The following STRN variants were observed in gnomAD, a reference collection of about 807,000 sequenced individuals.
STRN encodes protein phosphatase 2 regulatory subunit B'''alpha.
Under a neutral mutation model 96.3 loss-of-function variants are expected in STRN, and 53 were observed. The observed-to-expected ratio is 0.55, with a 90% confidence interval of 0.44 to 0.69. The LOEUF (loss-of-function observed/expected upper bound fraction) is 0.69, where lower values mean the gene tolerates loss of function less well. Among genes scored for constraint, STRN ranks in the 30% least tolerant of loss-of-function variants. The pLI is 0.00. For synonymous variants in STRN, 428 were observed against 355.9 expected (o/e 1.20, Z -2.28); for missense variants, 987 against 963.9 (o/e 1.02, Z -0.32).
chr2:36,906,869 C>T (rs1479580148), intron 3 of STRN, among the ~76,000 whole-genome samples: 2 of 151,392 alleles, frequency 1.3e-5, no homozygotes, highest in East Asian at 1.9e-4. Flanking sequence ...TGCAGTGAGC[C>T]GAGATGATTG....
At chr2:36,966,137 C>A in intron 1 of STRN, 93 bp downstream of exon 1, 1 of 1,239,202 alleles carries the variant, frequency 8.1e-7, no homozygotes, top group Non-Finnish European at 1.0e-6. Flanking sequence ...GGAGGGGACG[C>A]GAGAAGGCTG....
chr2:36,962,220 C>A (rs1250356520), intron 1 of STRN, among the ~76,000 whole-genome samples: 1 of 152,044 alleles, frequency 6.6e-6, no homozygotes. Flanking sequence ...TGCCAAAACC[C>A]AGAAAATACA....
intron 11 of STRN, among the ~76,000 whole-genome samples, chr2:36,868,579 T>C (rs1346648115): frequency 1.3e-5 from 2 of 152,342 alleles, no homozygotes; most frequent in East Asian, 3.9e-4. Flanking sequence ...TATCTCACAA[T>C]GTATAACCAG....
intron 1 of STRN, among the ~76,000 whole-genome samples, chr2:36,960,523 A>G (rs1244344654): frequency 1.3e-5 from 2 of 152,252 alleles, no homozygotes; most frequent in African/African-American, 4.8e-5. Flanking sequence ...TGCATCTGCA[A>G]CCATTTATTA....
chr2:36,853,515 C>T (rs956840151), intron 15 of STRN, among the ~76,000 whole-genome samples: 1 of 152,172 alleles, frequency 6.6e-6, no homozygotes, highest in Non-Finnish European at 1.5e-5. Context: ...GGAAGCTTCT[C>T]CACTTGATGA....
chr2:36,918,867 A>T (rs1206053562), intron 2 of STRN, among the ~76,000 whole-genome samples: 1 of 152,180 alleles, frequency 6.6e-6, no homozygotes, highest in Non-Finnish European at 1.5e-5. Context: ...CTTGTTTGCT[A>T]TTCTTTTTCT....
intron 1 of STRN, among the ~76,000 whole-genome samples, chr2:36,929,375 GC>G (rs573820204): frequency 4.6e-5 from 7 of 151,034 alleles, no homozygotes; most frequent in Non-Finnish European, 7.4e-5. Context: ...ATTTATTAAA[GC>G]CCCCCCACCC....
At chr2:36,962,317 A>G (rs1349487727) in intron 1 of STRN, among the ~76,000 whole-genome samples, 6 of 152,108 alleles carry the variant, frequency 3.9e-5, no homozygotes, top group Non-Finnish European at 8.8e-5. Context: ...ATACAACTCT[A>G]ACACTTACAG....
At chr2:36,852,091 A>G (rs763001060) in intron 15 of STRN, among the ~76,000 whole-genome samples, 1 of 152,240 alleles carries the variant, frequency 6.6e-6, no homozygotes. Flanking sequence ...ATCAGTACCT[A>G]TTCTAACTTC....
At chr2:36,866,180 T>C (rs890330128) in intron 12 of STRN, among the ~76,000 whole-genome samples, 1 of 152,028 alleles carries the variant, frequency 6.6e-6, no homozygotes, top group Admixed American at 6.6e-5. Context: ...GCTCAATTCA[T>C]CCTCCCACCT....
intron 13 of STRN, among the ~76,000 whole-genome samples, chr2:36,860,327 G>A (rs1188028895): frequency 1.3e-5 from 2 of 152,148 alleles, no homozygotes; most frequent in African/African-American, 4.8e-5. Flanking sequence ...AGGAAGTAAG[G>A]AAAGACATGG....
At position 36,855,213 on chromosome 2, in the gene STRN, T is replaced by G. The variant is rs1280883562; in HGVS notation, c.1977A>C (p.Thr659=). 6.2e-7 allele frequency: 1 copy of G among 1,613,262 alleles called. No individual in the cohort carries two copies. The highest frequency in any genetic ancestry group is 8.5e-7 in the Non-Finnish European group (1 of 1,179,644). The change falls in exon 15 of 18, where the codon ACA becomes ACC. Residue 659 remains threonine (T), a splice_region_variant and synonymous_variant. Coordinates refer to ENST00000263918, the MANE Select transcript of STRN (RefSeq NM_003162.4). ...ACAATTTAAAATTGGTATGCATACT[T>G]GTATCTACATTGGATTCTAAAGTGA... ...RILTLESNVD[T]TANSSCQINR...
intron 12 of STRN, among the ~76,000 whole-genome samples, chr2:36,863,058 A>G (rs1668533522): frequency 6.6e-6 from 1 of 152,200 alleles, no homozygotes; most frequent in African/African-American, 2.4e-5. Flanking sequence ...GGTTCCTTAC[A>G]GATTCTGGAT....
At chr2:36,871,767 T>C (rs949352828) in intron 10 of STRN, among the ~76,000 whole-genome samples, 1 of 152,122 alleles carries the variant, frequency 6.6e-6, no homozygotes, top group African/African-American at 2.4e-5. Context: ...ACTAGACACA[T>C]CAGGAAAAGA....
chr2:36,876,560 A>G (rs138204914), intron 10 of STRN, among the ~76,000 whole-genome samples: 2,102 of 152,180 alleles, frequency 0.014, 14 homozygotes, highest in Non-Finnish European at 0.022. Context: ...CCTATGGTTT[A>G]CTTAGGCATC....
At chr2:36,915,299 T>G (rs1670067724) in intron 3 of STRN, among the ~76,000 whole-genome samples, 1 of 141,862 alleles carries the variant, frequency 7.0e-6, no homozygotes. Context: ...GGTACGTATT[T>G]CAGTAAATGA....
At position 36,937,689 on chromosome 2, in the gene STRN, GA is replaced by G. The variant is rs1200862767; in HGVS notation, c.235-12482del. Among the ~76,000 whole-genome samples the G allele has an allele frequency of 8.0e-3, 1,005 of 125,342 alleles. 13 individuals carry two copies. The highest frequency in any genetic ancestry group is 0.026 in the African/African-American group (908 of 34,676). The allele number at this position is 125,342 out of a possible 152,430, so 82.2% of individuals were successfully genotyped here. A position where few individuals can be genotyped will look rare whatever the true frequency, so the allele number is the denominator to read the frequency against. ...ATCTTGCCTTAAAAAAGAAAGAAAA[GA>G]AAAAAAAAAAGAGAAGAAGGAAATA... On this transcript the variant is annotated intron_variant, in intron 1 of 17. Transcript: ENST00000263918.
At chr2:36,897,428 CTAAAAAATATAT>C (rs1346597491) in intron 6 of STRN, among the ~76,000 whole-genome samples, 2 of 126,014 alleles carry the variant, frequency 1.6e-5, no homozygotes, top group Non-Finnish European at 3.6e-5. Flanking sequence ...CCAAAAAAAA[CTAAAAAATATAT>C]ATATATTTTT....
At chr2:36,908,981 C>G (rs1669894909) in intron 3 of STRN, among the ~76,000 whole-genome samples, 2 of 123,212 alleles carry the variant, frequency 1.6e-5, no homozygotes, top group Admixed American at 7.8e-5. Context: ...CCTCTATCCC[C>G]ACCCCCAAAC....
Sources: gnomAD v4.1 joint callset for allele counts (sites outside exome capture counted in the v4.1 genomes callset) on GRCh38, gnomAD v4.1.1 for gene constraint, MANE v1.5 for transcripts, NCBI Gene and HGNC (gene_info 2026-07-23, HGNC 2026-07-21) for gene names.